Variants in NBEA observed in about 807,000 individuals in gnomAD.
The protein encoded by NBEA is lysosomal-trafficking regulator 2.
NBEA carries 44 observed loss-of-function variants against 343.4 expected under a neutral mutation model. The observed-to-expected ratio is 0.13, with a 90% CI of 0.10 to 0.16. NBEA has a LOEUF of 0.16. Ranked by LOEUF, NBEA falls within the 10% of genes least tolerant of loss-of-function variation. NBEA has a pLI of 1.00. For synonymous variants in NBEA, 1,175 were observed against 1,238.7 expected (o/e 0.95, Z 1.08); for missense variants, 2,555 against 3,631.3 (o/e 0.70, Z 7.62).
chr13:35,439,769 A>G (rs1440030720), intron 39 of NBEA, among the ~76,000 whole-genome samples: 2 of 152,204 alleles, frequency 1.3e-5, no homozygotes, highest in East Asian at 3.8e-4. Context: ...TTTTAGAAAA[A>G]AAAAGAATCA....
At chr13:35,351,679 A>C (rs1009997452) in intron 37 of NBEA, among the ~76,000 whole-genome samples, 20 of 152,002 alleles carry the variant, frequency 1.3e-4, no homozygotes, top group Non-Finnish European at 2.8e-4. Flanking sequence ...TTTGTGAATT[A>C]AAATCTAGGT....
Position 35,159,969 on chromosome 13 carries a change from G to A in NBEA, c.3798G>A (p.Arg1266=). The A allele has an allele frequency of 6.3e-7, 1 of 1,594,062 alleles. No individual in the cohort carries two copies. The highest frequency in any genetic ancestry group is 1.1e-5 in the South Asian group (1 of 87,272). Residue 1266 remains arginine, a synonymous_variant, in exon 22 of 59, where the codon AGG becomes AGA. Coordinates refer to ENST00000379939, the MANE Select transcript of NBEA (RefSeq NM_001385012.1). ...DAGSIISDTE[R]SDDGKESGKE... is the part of the protein sequence containing the mutation. The stretch of plus-strand genomic sequence containing the variant: ...GAAGTATAATTTCAGATACTGAAAG[G>A]TCTGACGATGGCAAAGAATCAGGAA...
At chr13:35,667,655 A>G in intron 57 of NBEA, 85 bp downstream of exon 57, 3 of 1,245,316 alleles carry the variant, frequency 2.4e-6, no homozygotes, top group Non-Finnish European at 3.5e-6. Context: ...TCATAATAGA[A>G]TGTCTGTGCT....
chr13:35,335,164 T>C (rs2039173452), intron 36 of NBEA, among the ~76,000 whole-genome samples: 3 of 152,198 alleles, frequency 2.0e-5, no homozygotes, highest in Admixed American at 1.3e-4. Flanking sequence ...TGTGTGGATT[T>C]GTTTCTGAGT....
At chr13:35,558,886 T>G (rs1298593608) in intron 44 of NBEA, among the ~76,000 whole-genome samples, 1 of 152,184 alleles carries the variant, frequency 6.6e-6, no homozygotes, top group African/African-American at 2.4e-5. Context: ...TATGAAATAG[T>G]CTACTCGAGG....
Position 35,611,194 on chromosome 13 carries a change from C to A in NBEA, c.7449+4616C>A, listed in dbSNP as rs1380888651. 3.3e-5 allele frequency among the ~76,000 whole-genome samples: 5 copies of A among 152,194 alleles called. No individual in the cohort carries two copies. The East Asian group carries it at 5.8e-4, about 18-fold the overall frequency. On this transcript the variant is annotated intron_variant, in intron 48 of 58. Transcript: ENST00000379939. The stretch of plus-strand genomic sequence containing the variant: ...CAGCAACCCTGCTTCTTGGTTTTAG[C>A]CCCCCAAAAATGAAAACTTATACAA...
rs765233675 is a variant in NBEA, at chr13:35,668,451, C to G, written c.8745C>G (p.Phe2915Leu). The part of the protein sequence containing the change: ...GVVEVWQACD[F>L]KQLYIYPGCD... Reference sequence around the variant, plus strand: ...TAGAGGTCTGGCAGGCCTGTGACTTCAAGCAACTGTACATTTACCCTGGAT... The same window carrying G: ...TAGAGGTCTGGCAGGCCTGTGACTTGAAGCAACTGTACATTTACCCTGGAT... Residue 2915 changes from phenylalanine to leucine, a missense_variant, in exon 58 of 59, where the codon TTC becomes TTG. Around this residue, in one of 21 missense-constraint regions of NBEA, gnomAD observed 186 missense variants for 328.9 expected, o/e 0.57. Transcript: ENST00000379939. 1.2e-6 allele frequency: 2 copies of G among 1,613,420 alleles called. No homozygotes were observed. Among genetic ancestry groups the G allele is most frequent in the Non-Finnish European group, 1.7e-6 (2 of 1,179,718 alleles).
chr13:35,080,395 G>A (rs1325690814), intron 10 of NBEA, among the ~76,000 whole-genome samples: 1 of 152,112 alleles, frequency 6.6e-6, no homozygotes, highest in African/African-American at 2.4e-5. Context: ...CTTGAGTGGG[G>A]TCTTACGTAT....
chr13:35,426,172 G>C (rs920999129), intron 38 of NBEA, among the ~76,000 whole-genome samples: 1 of 152,152 alleles, frequency 6.6e-6, no homozygotes, highest in African/African-American at 2.4e-5. Flanking sequence ...CGTTATGTGT[G>C]AATTTGATCC....
At chr13:35,028,661 GA>G (rs2062096400) in intron 1 of NBEA, among the ~76,000 whole-genome samples, 1 of 151,650 alleles carries the variant, frequency 6.6e-6, no homozygotes, top group Admixed American at 6.6e-5. Context: ...ACTCTGCATA[GA>G]AATTCCAGTA....
chr13:35,463,763 A>C (rs1284522041), intron 40 of NBEA, among the ~76,000 whole-genome samples: 1 of 152,196 alleles, frequency 6.6e-6, no homozygotes, highest in Non-Finnish European at 1.5e-5. Flanking sequence ...AATAGGAGTG[A>C]GGAACTAAGA....
chr13:35,359,271 T>C (rs1456092780), intron 38 of NBEA, among the ~76,000 whole-genome samples: 1 of 152,162 alleles, frequency 6.6e-6, no homozygotes, highest in African/African-American at 2.4e-5. Flanking sequence ...ATCCCTTGGC[T>C]TTCTCTTATC....
intron 1 of NBEA, among the ~76,000 whole-genome samples, chr13:35,039,319 C>T (rs576913118): frequency 2.6e-5 from 4 of 152,252 alleles, no homozygotes; most frequent in African/African-American, 9.6e-5. Flanking sequence ...AAACCAGGTT[C>T]TGTGGGTGCT....
chr13:34,950,542 A>G (rs890932462), intron 1 of NBEA, among the ~76,000 whole-genome samples: 2 of 151,198 alleles, frequency 1.3e-5, no homozygotes, highest in East Asian at 1.9e-4. Flanking sequence ...TCTAAATTAA[A>G]AAATTTAGAA....
intron 28 of NBEA, among the ~76,000 whole-genome samples, chr13:35,177,388 A>G (rs1006426398): frequency 2.6e-5 from 4 of 151,610 alleles, no homozygotes; most frequent in African/African-American, 9.7e-5. Context: ...TGTATCAACT[A>G]CTCCTCTCTT....
chr13:35,103,606 T>C (rs2065763972), intron 11 of NBEA, among the ~76,000 whole-genome samples: 1 of 151,802 alleles, frequency 6.6e-6, no homozygotes, highest in Admixed American at 6.6e-5. Context: ...TCTCAATTGT[T>C]TCTCCTATTT....
chr13:35,457,949 C>T (rs780531682), intron 40 of NBEA, among the ~76,000 whole-genome samples: 9 of 152,216 alleles, frequency 5.9e-5, no homozygotes, highest in Non-Finnish European at 1.0e-4. Flanking sequence ...TGTATGGATA[C>T]ACCACATTTT....
intron 47 of NBEA, among the ~76,000 whole-genome samples, chr13:35,597,736 A>G (rs1566384362): frequency 6.6e-6 from 1 of 152,130 alleles, no homozygotes; most frequent in Non-Finnish European, 1.5e-5. Context: ...TTCATATCCA[A>G]GAGGATTTTA....
At chr13:35,000,963 T>TG (rs1555271896) in intron 1 of NBEA, among the ~76,000 whole-genome samples, 260 of 152,082 alleles carry the variant, frequency 1.7e-3, no homozygotes, top group Admixed American at 3.6e-3. Flanking sequence ...TTGGTTTTTT[T>TG]TTGTTGTTGT....
Sources: gnomAD v4.1 joint callset for allele counts (sites outside exome capture counted in the v4.1 genomes callset) on GRCh38, gnomAD v4.1.1 for gene constraint, gnomAD v4.1.1 regional missense constraint, MANE v1.5 for transcripts, NCBI Gene and HGNC (gene_info 2026-07-23, HGNC 2026-07-21) for gene names.